RBM26: variants seen among roughly 807,000 people sequenced by gnomAD.
RBM26 encodes the protein RNA binding motif protein 26, also known as RNA-binding protein 26.
Under a neutral mutation model 123.6 loss-of-function variants are expected in RBM26, and 30 were observed. The ratio of observed to expected loss-of-function variants is 0.24; its 90% CI spans 0.18 to 0.33. The LOEUF (loss-of-function observed/expected upper bound fraction) is 0.33, where lower values mean the gene tolerates loss of function less well. Ranked by LOEUF, RBM26 falls within the 10% of genes least tolerant of loss-of-function variation. The pLI is 1.00. For missense variants in RBM26, 947 were observed against 1,203.6 expected (o/e 0.79, Z 3.15); for synonymous variants, 400 against 404.4 (o/e 0.99, Z 0.13).
chr13:79,338,651 G>A (rs1446230924), intron 18 of RBM26, among the ~76,000 whole-genome samples: 1 of 152,108 alleles, frequency 6.6e-6, no homozygotes, highest in Non-Finnish European at 1.5e-5. Context: ...TAAATTAAAA[G>A]ATTTTAAGCA....
intron 20 of RBM26, among the ~76,000 whole-genome samples, chr13:79,324,350 CCATA>C (rs1300526836): frequency 2.0e-5 from 3 of 151,672 alleles, no homozygotes; most frequent in African/African-American, 7.3e-5. Flanking sequence ...TCTTGAATGG[CCATA>C]TATATTATAT....
At chr13:79,335,118 T>A (rs995544175) in intron 19 of RBM26, among the ~76,000 whole-genome samples, 5 of 152,062 alleles carry the variant, frequency 3.3e-5, no homozygotes, top group African/African-American at 1.2e-4. Context: ...CCTTTATATA[T>A]CATTATCAAT....
chr13:79,401,278 CT>C, intron 1 of RBM26, among the ~76,000 whole-genome samples: 1 of 152,174 alleles, frequency 6.6e-6, no homozygotes, highest in Non-Finnish European at 1.5e-5. Flanking sequence ...CTCTAAAGCA[CT>C]GATAATCACG....
At chr13:79,392,035 T>TA (rs1218156674) in intron 1 of RBM26, among the ~76,000 whole-genome samples, 2 of 104,592 alleles carry the variant, frequency 1.9e-5, no homozygotes, top group Admixed American at 2.4e-4. Flanking sequence ...TATAATTATA[T>TA]ATTATACAAT....
intron 1 of RBM26, among the ~76,000 whole-genome samples, chr13:79,401,458 G>C (rs2140555750): frequency 6.6e-6 from 1 of 152,230 alleles, no homozygotes; most frequent in South Asian, 2.1e-4. Flanking sequence ...ATCACTGTGG[G>C]CAAATAACTT....
At chr13:79,375,373 A>G (rs1027561698) in intron 3 of RBM26, among the ~76,000 whole-genome samples, 2 of 151,344 alleles carry the variant, frequency 1.3e-5, no homozygotes, top group African/African-American at 4.9e-5. Context: ...GTTTCACCAT[A>G]TTGGCCAAGC....
chr13:79,363,274 G>A (rs551481770), intron 9 of RBM26, among the ~76,000 whole-genome samples: 1 of 152,168 alleles, frequency 6.6e-6, no homozygotes, highest in East Asian at 1.9e-4. Flanking sequence ...GCCATCTATA[G>A]GCTATTAGGA....
chr13:79,391,972 T>TAC (rs2078040060), intron 1 of RBM26, among the ~76,000 whole-genome samples: 1 of 144,314 alleles, frequency 6.9e-6, no homozygotes, highest in Non-Finnish European at 1.5e-5. Flanking sequence ...AATTATTATA[T>TAC]AATTATATAT....
rs1271797080 is a variant in RBM26, at chr13:79,368,734, A to G, written c.891T>C (p.Tyr297=). The part of the protein sequence containing the change: ...PPMPKKRCRD[Y]DEKGFCMRGD... The stretch of plus-strand genomic sequence containing the variant: ...TCAAACAGCTGAAAGACTTACCATC[A>G]TAGTCTCTACACCGTTTCTTTGGCA... Residue 297 remains tyrosine, a synonymous_variant, in exon 6 of 22, where the codon TAT becomes TAC. Coordinates refer to ENST00000438737, the MANE Select transcript of RBM26 (RefSeq NM_001366735.2). The G allele has an allele frequency of 3.1e-5, 50 of 1,613,264 alleles. No homozygotes were observed. Among genetic ancestry groups the G allele is most frequent in the Non-Finnish European group, 4.2e-5 (49 of 1,179,390 alleles).
At chr13:79,325,551 A>G (rs1025103224) in intron 20 of RBM26, among the ~76,000 whole-genome samples, 1 of 152,222 alleles carries the variant, frequency 6.6e-6, no homozygotes, top group Admixed American at 6.5e-5. Context: ...CTTATTGAAT[A>G]AGGATATAAA....
chr13:79,313,815 G>C (rs1384982336), exon 5 of RBM26: 6 of 148,096 alleles, frequency 4.1e-5, no homozygotes, highest in Admixed American at 2.7e-4. Flanking sequence ...TACTCTTCAT[G>C]ACAAATGCAA....
At chr13:79,389,017 T>C (rs555686215) in intron 1 of RBM26, among the ~76,000 whole-genome samples, 2 of 152,206 alleles carry the variant, frequency 1.3e-5, no homozygotes, top group Non-Finnish European at 2.9e-5. Flanking sequence ...ACACTTTTCA[T>C]TTATAAGTGA....
chr13:79,383,686 A>G (rs2077249147), intron 1 of RBM26, among the ~76,000 whole-genome samples: 1 of 152,118 alleles, frequency 6.6e-6, no homozygotes. Flanking sequence ...GGGGGAACCA[A>G]TATGCATATT....
At chr13:79,312,388 C>T (rs2066919474) in exon 5 of RBM26, 1 of 151,962 alleles carries the variant, frequency 6.6e-6, no homozygotes, top group South Asian at 2.1e-4. Flanking sequence ...TATGAACATT[C>T]ATTAAGGTGC....
intron 20 of RBM26, among the ~76,000 whole-genome samples, chr13:79,326,471 G>T (rs778264389): frequency 6.6e-6 from 1 of 152,048 alleles, no homozygotes; most frequent in Non-Finnish European, 1.5e-5. Flanking sequence ...AATATGAAAG[G>T]GGGGGAAATA....
At chr13:79,366,552 T>C in intron 7 of RBM26, 81 bp downstream of exon 7, 1 of 1,394,670 alleles carries the variant, frequency 7.2e-7, no homozygotes. Flanking sequence ...TTTAGATACT[T>C]TTAATTTAAG....
chr13:79,320,945 T>G (rs539217109), intron 21 of RBM26, among the ~76,000 whole-genome samples: 62 of 151,400 alleles, frequency 4.1e-4, no homozygotes, highest in Non-Finnish European at 7.9e-4. Context: ...ATAAAGCCTT[T>G]GTACATGCCA....
chr13:79,345,811 A>C (rs1270089132), intron 14 of RBM26, among the ~76,000 whole-genome samples: 1 of 152,200 alleles, frequency 6.6e-6, no homozygotes, highest in East Asian at 1.9e-4. Flanking sequence ...AAATGACTAT[A>C]GGTCAGAGTG....
At chr13:79,361,590 C>T (rs2074690428) in intron 9 of RBM26, among the ~76,000 whole-genome samples, 1 of 152,154 alleles carries the variant, frequency 6.6e-6, no homozygotes, top group East Asian at 1.9e-4. Flanking sequence ...ATGAATACAT[C>T]CCAGTCCTCT....
Sources: gnomAD v4.1 joint callset for allele counts (sites outside exome capture counted in the v4.1 genomes callset) on GRCh38, gnomAD v4.1.1 for gene constraint, MANE v1.5 for transcripts, NCBI Gene and HGNC (gene_info 2026-07-23, HGNC 2026-07-21) for gene names.